MARCHF6: variants seen among roughly 807,000 people sequenced by gnomAD.
MARCHF6 encodes the protein E3 ubiquitin-protein ligase MARCHF6.
In MARCHF6, 31 loss-of-function variants were observed where a neutral mutation model predicts 133.7. The ratio of observed to expected loss-of-function variants is 0.23; its 90% confidence interval spans 0.17 to 0.31. The LOEUF is 0.31. Ranked by LOEUF, MARCHF6 falls within the 10% of genes least tolerant of loss-of-function variation. The pLI, the probability that MARCHF6 is intolerant of heterozygous loss-of-function variation, is 1.00. For missense variants in MARCHF6, 723 were observed against 1,121.6 expected, an observed-to-expected ratio of 0.64 and a Z score of 5.08; for synonymous variants, 395 against 402.5, an observed-to-expected ratio of 0.98 and a Z score of 0.22.
At chr5:10,392,243 A>G (rs1284091925) in intron 7 of MARCHF6, among the ~76,000 whole-genome samples, 4 of 152,094 alleles carry the variant, frequency 2.6e-5, no homozygotes, top group African/African-American at 4.8e-5. Flanking sequence ...GGCGTGAGCC[A>G]CTGCGCCCGG....
intron 25 of MARCHF6, among the ~76,000 whole-genome samples, chr5:10,432,381 T>A (rs1326224548): frequency 2.0e-5 from 3 of 152,238 alleles, no homozygotes. Context: ...TCACTCTCCC[T>A]CAGTCTCCTT....
chr5:10,421,008 T>G (rs752459726), intron 22 of MARCHF6, among the ~76,000 whole-genome samples: 1 of 152,190 alleles, frequency 6.6e-6, no homozygotes, highest in Non-Finnish European at 1.5e-5. Context: ...GGGCCCCAAG[T>G]TCTCCATGAT....
At chr5:10,356,847 T>G (rs1002039213) in intron 1 of MARCHF6, among the ~76,000 whole-genome samples, 1 of 152,234 alleles carries the variant, frequency 6.6e-6, no homozygotes, top group Non-Finnish European at 1.5e-5. Context: ...GATAGTCTGA[T>G]GCTCAGAATG....
rs576660229 is a variant in MARCHF6 at position 10,387,210 on chromosome 5, C to T, written c.407+144C>T. The T allele has an allele frequency of 5.8e-6, 3 of 513,898 alleles. No homozygotes were observed. The East Asian group carries it at 9.2e-5, about 16-fold the overall frequency. 31.8% of individuals were successfully genotyped at this position (513,898 alleles called of 1,614,324 possible). On this transcript the variant is annotated intron_variant, in intron 5 of 25. Transcript: ENST00000274140. ...TCTATTACACTAACAGTTATAGCTG[C>T]AGTAGAAGTAGCTGATAAATGTAAA...
intron 3 of MARCHF6, 42 bp from the exon 4 acceptor site, chr5:10,381,758 C>A: frequency 1.4e-6 from 2 of 1,474,122 alleles, no homozygotes; most frequent in South Asian, 1.3e-5. Flanking sequence ...AAGCTATTTT[C>A]GAATCTTCAT....
intron 1 of MARCHF6, among the ~76,000 whole-genome samples, chr5:10,365,755 A>G (rs981605134): frequency 2.0e-5 from 3 of 152,172 alleles, no homozygotes; most frequent in African/African-American, 7.2e-5. Flanking sequence ...ATTAAACACT[A>G]TCTACTTGGG....
intron 22 of MARCHF6, chr5:10,421,884 C>T (rs2126324563): frequency 6.6e-6 from 1 of 152,352 alleles, no homozygotes; most frequent in East Asian, 1.9e-4. Context: ...CAGGCCCAAG[C>T]CTCCTTGAGG....
intron 1 of MARCHF6, among the ~76,000 whole-genome samples, chr5:10,356,407 A>ATTTTATTTTC (rs1735477302): frequency 7.4e-6 from 1 of 135,634 alleles, no homozygotes; most frequent in Non-Finnish European, 1.6e-5. Flanking sequence ...ATTTTATTTT[A>ATTTTATTTTC]TTTTCCGAGA....
chr5:10,403,045 TTA>T (rs1183331697), intron 14 of MARCHF6, among the ~76,000 whole-genome samples: 1 of 152,316 alleles, frequency 6.6e-6, no homozygotes, highest in East Asian at 1.9e-4. Context: ...CAAAAATATT[TTA>T]TGTGTAGAAA....
At chr5:10,426,586 C>T (rs1740098449) in intron 24 of MARCHF6, 64 bp downstream of exon 24, 2 of 1,544,926 alleles carry the variant, frequency 1.3e-6, no homozygotes, top group South Asian at 2.3e-5. Context: ...ATTCTCTTTA[C>T]CCCTAGTAAA....
In MARCHF6 at chr5:10,365,383, C is replaced by G. The variant is rs184517167; in HGVS notation, c.19+11466C>G. 1.8e-3 allele frequency among the ~76,000 whole-genome samples: 281 copies of G among 152,168 alleles called. 1 individual carries two copies. Among genetic ancestry groups the G allele is most frequent in the Non-Finnish European group, 2.0e-3 (136 of 68,008 alleles). ...TGGCACGATCTTGGCTCACCGCAAC[C>G]TCCGCCTCCCGGGTTCAAGCGATTC... On this transcript the variant is annotated intron_variant, in intron 1 of 25. Transcript: ENST00000274140.
intron 24 of MARCHF6, among the ~76,000 whole-genome samples, chr5:10,429,206 C>T (rs1740244983): frequency 6.6e-6 from 1 of 152,102 alleles, no homozygotes; most frequent in Non-Finnish European, 1.5e-5. Flanking sequence ...CCCCAGTCCC[C>T]TCTGCCAAAG....
In MARCHF6 at chr5:10,391,705, C is replaced by G; in HGVS notation, c.740C>G (p.Ala247Gly). 1.3e-6 allele frequency: 2 copies of G among 1,577,922 alleles called. No homozygotes were observed. Among genetic ancestry groups the G allele is most frequent in the Non-Finnish European group, 1.7e-6 (2 of 1,161,594 alleles). The change falls in exon 7 of 26, where the codon GCG (alanine) becomes GGG (glycine). Residue 247 changes from alanine (A) to glycine (G), a missense_variant. Ala to Gly is a moderately conservative substitution (Grantham distance 60). Coordinates refer to ENST00000274140, the MANE Select transcript of MARCHF6 (RefSeq NM_005885.4). Reference protein sequence around the residue: ...EEEDDAGVEDAADANNGAQDD... With the variant: ...EEEDDAGVEDGADANNGAQDD... Reference sequence around the variant, plus strand: ...GAAGATGACGCTGGTGTGGAGGATGCGGCAGATGCTAATAACGGAGCCCAG... The same window carrying G: ...GAAGATGACGCTGGTGTGGAGGATGGGGCAGATGCTAATAACGGAGCCCAG...
At chr5:10,426,297 G>T in intron 23 of MARCHF6, 93 bp from the exon 24 acceptor site, 1 of 1,393,726 alleles carries the variant, frequency 7.2e-7, no homozygotes, top group Non-Finnish European at 9.9e-7. Context: ...GACTATTTTT[G>T]GGTTGGCAGA....
chr5:10,411,239 A>G (rs1338787458), intron 18 of MARCHF6, 94 bp from the exon 19 acceptor site: 2 of 973,166 alleles, frequency 2.1e-6, no homozygotes, highest in Non-Finnish European at 1.6e-6. Flanking sequence ...TACATTTTCT[A>G]CCCTTAGTAG....
Position 10,434,905 on chromosome 5 carries a change from GA to G in MARCHF6, c.*1226del, listed in dbSNP as rs1740531928. Reference sequence around the variant, plus strand: ...GAATGTATTTCGTTGGAAACATTCTGAAAAATCTCAGAGAACTGAACCCTTA... The same window carrying G: ...GAATGTATTTCGTTGGAAACATTCTGAAAATCTCAGAGAACTGAACCCTTA... On this transcript the variant is annotated 3_prime_UTR_variant, in exon 26 of 26. Coordinates refer to ENST00000274140, the MANE Select transcript of MARCHF6 (RefSeq NM_005885.4). 1 of 152,620 alleles carries G rather than the reference GA, an allele frequency of 6.6e-6. No homozygotes were observed. The highest frequency in any genetic ancestry group is 2.4e-5 in the African/African-American group (1 of 41,444). 9.5% of individuals were successfully genotyped at this position (152,620 alleles called of 1,614,324 possible). A position where few individuals can be genotyped will look rare whatever the true frequency, so the allele number is the denominator to read the frequency against.
intron 24 of MARCHF6, among the ~76,000 whole-genome samples, chr5:10,428,908 G>T (rs370621932): frequency 6.6e-6 from 1 of 152,094 alleles, no homozygotes; most frequent in South Asian, 2.1e-4. Flanking sequence ...GAAAAATGTT[G>T]GTACCTGTTT....
chr5:10,394,179 A>G, intron 8 of MARCHF6, 36 bp downstream of exon 8: 1 of 1,336,112 alleles, frequency 7.5e-7, no homozygotes, highest in Non-Finnish European at 1.0e-6. Context: ...CTGGTGTTTT[A>G]ATCCTAAAAT....
At chr5:10,388,243 A>G (rs570535687) in intron 5 of MARCHF6, among the ~76,000 whole-genome samples, 3 of 152,246 alleles carry the variant, frequency 2.0e-5, no homozygotes, top group Admixed American at 6.5e-5. Context: ...AATTATAAAC[A>G]TGGCTTGGTT....
Sources: allele counts gnomAD v4.1 joint callset (sites outside exome capture counted in the v4.1 genomes callset), GRCh38; gene constraint gnomAD v4.1.1; transcripts MANE v1.5; gene names NCBI Gene and HGNC (gene_info 2026-07-23, HGNC 2026-07-21).